RRM2: variants seen among roughly 807,000 people sequenced by gnomAD.
The protein encoded by RRM2 is ribonucleoside-diphosphate reductase subunit M2.
In RRM2, 6 loss-of-function variants were observed where a neutral mutation model predicts 45.9. The ratio of observed to expected loss-of-function variants is 0.13; its 90% CI spans 0.07 to 0.26. The LOEUF (loss-of-function observed/expected upper bound fraction) is 0.26, where lower values mean the gene tolerates loss of function less well. Ranked by LOEUF, RRM2 falls within the 10% of genes least tolerant of loss-of-function variation. The probability of loss-of-function intolerance (pLI) is 1.00; values close to 1 mark genes in which losing one functional copy is unlikely to be tolerated. For missense variants in RRM2, 343 were observed against 489.5 expected, an observed-to-expected ratio of 0.70 and a Z score of 2.82; for synonymous variants, 177 against 173.0, an observed-to-expected ratio of 1.02 and a Z score of -0.18.
At chr2:10,150,488 T>C (rs184937527) in intron 3 of RRM2, among the ~76,000 whole-genome samples, 143 of 144,962 alleles carry the variant, frequency 9.9e-4, no homozygotes, top group African/African-American at 3.6e-3. Flanking sequence ...CTGTTTCTCT[T>C]TCTCCTTGTT....
chr2:10,147,928 C>T (rs371205381), intron 3 of RRM2, among the ~76,000 whole-genome samples: 4 of 151,948 alleles, frequency 2.6e-5, no homozygotes, highest in East Asian at 1.9e-4. Flanking sequence ...GTGGATCACT[C>T]GAGGTCAGGA....
chr2:10,203,461 T>G (rs1664601777), intron 3 of RRM2, among the ~76,000 whole-genome samples: 1 of 152,076 alleles, frequency 6.6e-6, no homozygotes, highest in African/African-American at 2.4e-5. Flanking sequence ...TTAATACATG[T>G]GAGGGTTGGC....
chr2:10,147,167 G>C (rs1002148394), intron 3 of RRM2, among the ~76,000 whole-genome samples: 2 of 152,044 alleles, frequency 1.3e-5, no homozygotes, highest in Admixed American at 1.3e-4. Flanking sequence ...TGGCCAGGAT[G>C]GACTTGATCT....
intron 3 of RRM2, among the ~76,000 whole-genome samples, chr2:10,155,388 C>G (rs913878517): frequency 3.9e-5 from 6 of 152,320 alleles, no homozygotes; most frequent in African/African-American, 1.4e-4. Flanking sequence ...ACAGAAGGTA[C>G]CTTGCTCATT....
chr2:10,197,018 A>C (rs563533251), intron 3 of RRM2, among the ~76,000 whole-genome samples: 47 of 152,208 alleles, frequency 3.1e-4, no homozygotes, highest in African/African-American at 1.0e-3. Flanking sequence ...AGCTCACCCC[A>C]GTGAGCTTCC....
chr2:10,186,548 G>T (rs1664170538), intron 3 of RRM2, among the ~76,000 whole-genome samples: 1 of 152,176 alleles, frequency 6.6e-6, no homozygotes, highest in Non-Finnish European at 1.5e-5. Context: ...TAAAAGCAGA[G>T]ACCTGCAGGT....
At chr2:10,196,974 G>A (rs533091071) in intron 3 of RRM2, among the ~76,000 whole-genome samples, 391 of 152,326 alleles carry the variant, frequency 2.6e-3, no homozygotes, top group African/African-American at 9.0e-3. Context: ...TTGGCTGCCT[G>A]AGAAGGGGCT....
In RRM2 at chr2:10,127,324, A is replaced by C; in HGVS notation, c.798+104A>C. On this transcript the variant is annotated intron_variant, in intron 7 of 9. Transcript: ENST00000304567. This position sits in a 1 kb window ranked among gnomAD's most constrained non-coding sequence, Gnocchi z 4.1. ...CTGAGATGCTAGATGGCATATATCC[A>C]CATTTAATGTGTGAGTTCAACCATA... The C allele has an allele frequency of 8.7e-7, 1 of 1,149,242 alleles. No individual in the cohort carries two copies. Among genetic ancestry groups the C allele is most frequent in the South Asian group, 1.4e-5 (1 of 70,366 alleles). The allele number at this position is 1,149,242 out of a possible 1,614,324, so 71.2% of individuals were successfully genotyped here. A position where few individuals can be genotyped will look rare whatever the true frequency, so the allele number is the denominator to read the frequency against.
At chr2:10,149,540 T>C (rs979572563) in intron 3 of RRM2, among the ~76,000 whole-genome samples, 2 of 152,266 alleles carry the variant, frequency 1.3e-5, no homozygotes, top group African/African-American at 4.8e-5. Flanking sequence ...CCACTTGTTT[T>C]TCCTGTTCCT....
chr2:10,194,149 T>C (rs1398508204), intron 3 of RRM2, among the ~76,000 whole-genome samples: 2 of 152,216 alleles, frequency 1.3e-5, no homozygotes, highest in Non-Finnish European at 2.9e-5. Context: ...AAGATTTTAC[T>C]TGGTATTAGA....
intron 3 of RRM2, among the ~76,000 whole-genome samples, chr2:10,143,366 A>G (rs774102994): frequency 6.6e-5 from 10 of 152,214 alleles, no homozygotes; most frequent in Non-Finnish European, 1.5e-4. Flanking sequence ...CATGGCCCCA[A>G]GTGTTTACCA....
At chr2:10,158,717 A>G (rs749002396) in intron 3 of RRM2, among the ~76,000 whole-genome samples, 2 of 152,084 alleles carry the variant, frequency 1.3e-5, no homozygotes, top group Non-Finnish European at 2.9e-5. Context: ...TGCTTATTTG[A>G]ATTTCAATAA....
exon 4 of RRM2, chr2:10,210,701 T>C (rs1572541342): frequency 9.2e-7 from 1 of 1,085,310 alleles, no homozygotes; most frequent in East Asian, 5.0e-5. Context: ...GAAACTGGGG[T>C]GATGTGAGCC....
intron 3 of RRM2, among the ~76,000 whole-genome samples, chr2:10,167,201 T>G (rs987384130): frequency 1.3e-5 from 2 of 152,156 alleles, no homozygotes; most frequent in Non-Finnish European, 2.9e-5. Flanking sequence ...CTGGGTCTGG[T>G]GTAGCACCTG....
intron 3 of RRM2, among the ~76,000 whole-genome samples, chr2:10,146,874 T>C (rs928807401): frequency 1.3e-5 from 2 of 152,272 alleles, no homozygotes; most frequent in African/African-American, 2.4e-5. Flanking sequence ...TTTTCACTTT[T>C]TGTGTATTCT....
intron 3 of RRM2, chr2:10,155,118 C>T: frequency 3.3e-6 from 1 of 301,984 alleles, no homozygotes; most frequent in Non-Finnish European, 6.3e-6. Context: ...GGATACTGAG[C>T]AGTGAACAGA....
At chr2:10,190,589 G>T (rs1322737475) in intron 3 of RRM2, among the ~76,000 whole-genome samples, 1 of 151,664 alleles carries the variant, frequency 6.6e-6, no homozygotes, top group Non-Finnish European at 1.5e-5. Flanking sequence ...TCATGGTGAT[G>T]GTGGTGATGT....
At chr2:10,179,077 C>T (rs552012274) in intron 3 of RRM2, among the ~76,000 whole-genome samples, 22 of 152,232 alleles carry the variant, frequency 1.4e-4, no homozygotes, top group African/African-American at 3.1e-4. Context: ...CACTGTGTAC[C>T]GATGATTTAT....
intron 3 of RRM2, among the ~76,000 whole-genome samples, chr2:10,199,779 CAAA>C (rs796262395): frequency 9.8e-4 from 14 of 14,294 alleles, no homozygotes; most frequent in African/African-American, 2.4e-3. Flanking sequence ...GACTCAGTCT[CAAA>C]AAAAAAAAAA....
Sources: allele counts gnomAD v4.1 joint callset (sites outside exome capture counted in the v4.1 genomes callset), GRCh38; gene constraint gnomAD v4.1.1; non-coding constraint Gnocchi (gnomAD v3.1); transcripts MANE v1.5; gene names NCBI Gene and HGNC (gene_info 2026-07-23, HGNC 2026-07-21).